Variants in ZDHHC13 observed in about 807,000 individuals in gnomAD.
ZDHHC13 encodes zDHHC palmitoyltransferase 13, also known as palmitoyltransferase ZDHHC13.
Under a neutral mutation model 86.0 loss-of-function variants are expected in ZDHHC13, and 85 were observed. The ratio of observed to expected loss-of-function variants is 0.99; its 90% CI spans 0.83 to 1.18. The LOEUF is 1.18. Among genes scored for constraint, ZDHHC13 ranks in the 50% most tolerant of loss-of-function variants. ZDHHC13 has a pLI of 0.00. For missense variants in ZDHHC13, 711 were observed against 730.2 expected (o/e 0.97, Z 0.30); for synonymous variants, 263 against 246.4 (o/e 1.07, Z -0.63).
intron 8 of ZDHHC13, among the ~76,000 whole-genome samples, chr11:19,154,383 A>G (rs535624652): frequency 1.3e-5 from 2 of 152,306 alleles, no homozygotes; most frequent in Admixed American, 1.3e-4. Context: ...TTTACATTAA[A>G]AAAAATCTAA....
chr11:19,166,369 A>C lies in ZDHHC13; in HGVS notation c.1458A>C (p.Ile486=). 1 of 1,612,068 alleles carries C rather than the reference A, an allele frequency of 6.2e-7. No individual in the cohort carries two copies. The highest frequency in any genetic ancestry group is 1.1e-5 in the South Asian group (1 of 90,788). The change falls in exon 14 of 17, where the codon ATA becomes ATC. Residue 486 remains isoleucine, a synonymous_variant. Transcript: ENST00000446113. The part of the protein sequence containing the change: ...FFLSMVCGWI[I]YGSFIYLSSH... ...TTTCCATGGTATGTGGCTGGATTAT[A>C]TATGGATCTTTCATCTGTAAGTGTA...
At chr11:19,127,051 G>A (rs1013841220) in intron 1 of ZDHHC13, among the ~76,000 whole-genome samples, 2 of 152,142 alleles carry the variant, frequency 1.3e-5, no homozygotes, top group Non-Finnish European at 2.9e-5. Context: ...TTTCCACAAT[G>A]AACTAATTTT....
At chr11:19,131,888 C>G (rs1180830503) in intron 1 of ZDHHC13, among the ~76,000 whole-genome samples, 2 of 152,336 alleles carry the variant, frequency 1.3e-5, no homozygotes, top group South Asian at 4.1e-4. Context: ...CCTGCCTCGG[C>G]CTCCCAAAGT....
chr11:19,173,348 G>A (rs1468861844), intron 16 of ZDHHC13, among the ~76,000 whole-genome samples: 1 of 152,126 alleles, frequency 6.6e-6, no homozygotes, highest in Non-Finnish European at 1.5e-5. Flanking sequence ...TATAAAACAC[G>A]TTTTCAGTTG....
At chr11:19,162,698 C>T (rs1309222145) in intron 10 of ZDHHC13, among the ~76,000 whole-genome samples, 6 of 151,928 alleles carry the variant, frequency 3.9e-5, no homozygotes, top group Admixed American at 3.3e-4. Context: ...AAATAGGAGC[C>T]GAAAATTCAG....
chr11:19,158,960 AC>A lies in ZDHHC13; in HGVS notation c.1030del (p.Val345TyrfsTer9). On this transcript the variant is annotated frameshift_variant, in exon 10 of 17. Transcript: ENST00000446113. LOFTEE classifies it high-confidence loss of function. Reference sequence around the variant, plus strand: ...TTTAGGTTCTTGGTTGGGTATAAGAACCTTGTATACTTACCAACAGCCTTTC... The same window carrying A: ...TTTAGGTTCTTGGTTGGGTATAAGAACTTGTATACTTACCAACAGCCTTTC... ...LFPRFLVGYK[N>X]LVYLPTAFLL... The A allele has an allele frequency of 6.5e-7, 1 of 1,543,646 alleles. No individual in the cohort carries two copies. Among genetic ancestry groups the A allele is most frequent in the South Asian group, 1.2e-5 (1 of 82,180 alleles).
intron 2 of ZDHHC13, among the ~76,000 whole-genome samples, chr11:19,145,194 A>G (rs1396050266): frequency 6.6e-6 from 1 of 152,108 alleles, no homozygotes; most frequent in African/African-American, 2.4e-5. Context: ...TTCTCTATGA[A>G]ATACCTCTTT....
At chr11:19,133,918 T>TTTATATATATATATATATATATAA (rs2133378216) in intron 1 of ZDHHC13, among the ~76,000 whole-genome samples, 1 of 54,104 alleles carries the variant, frequency 1.8e-5, no homozygotes, top group African/African-American at 5.7e-5. Flanking sequence ...ACGAAAGAAG[T>TTTATATATATATATATATATATAA]CCATATATAT....
chr11:19,125,437 C>G (rs529313260), intron 1 of ZDHHC13, among the ~76,000 whole-genome samples: 2 of 152,206 alleles, frequency 1.3e-5, no homozygotes, highest in Admixed American at 6.5e-5. Flanking sequence ...TGCCCCTATA[C>G]ATCTATTAGA....
At chr11:19,127,745 A>G (rs1443857531) in intron 1 of ZDHHC13, among the ~76,000 whole-genome samples, 1 of 152,212 alleles carries the variant, frequency 6.6e-6, no homozygotes, top group African/African-American at 2.4e-5. Context: ...GCTTTGTTGA[A>G]GATCTGATAG....
intron 5 of ZDHHC13, 143 bp from the exon 6 acceptor site, chr11:19,150,584 C>T (rs935981616): frequency 6.2e-6 from 4 of 649,078 alleles, no homozygotes; most frequent in African/African-American, 3.6e-5. Flanking sequence ...GTGAGCAAAA[C>T]ATTCTTTTTA....
chr11:19,126,320 C>A (rs1391199098), intron 1 of ZDHHC13, among the ~76,000 whole-genome samples: 5 of 146,710 alleles, frequency 3.4e-5, no homozygotes, highest in Non-Finnish European at 6.0e-5. Flanking sequence ...TTGTTCCCTT[C>A]TTCTTTTTTT....
chr11:19,164,991 T>C, intron 12 of ZDHHC13, 61 bp from the exon 13 acceptor site: 1 of 1,473,264 alleles, frequency 6.8e-7, no homozygotes, highest in Non-Finnish European at 9.4e-7. Context: ...ATTTTGCTTG[T>C]GATTTGTTAC....
chr11:19,164,923 G>A, intron 12 of ZDHHC13, 129 bp from the exon 13 acceptor site: 3 of 693,486 alleles, frequency 4.3e-6, no homozygotes, highest in Non-Finnish European at 7.6e-6. Context: ...CACAGCCTCT[G>A]TGTGAATTGA....
intron 16 of ZDHHC13, 119 bp from the exon 17 acceptor site, chr11:19,175,703 A>G: frequency 8.5e-7 from 1 of 1,173,146 alleles, no homozygotes. Context: ...TACCCCATCT[A>G]CCCCTGGATT....
Position 19,143,101 on chromosome 11 carries a change from T to G in ZDHHC13, c.151T>G (p.Cys51Gly), listed in dbSNP as rs1430892711. 16 of 1,612,832 alleles carry G rather than the reference T, an allele frequency of 9.9e-6. No homozygotes were observed. Among genetic ancestry groups the G allele is most frequent in the Non-Finnish European group, 1.4e-5 (16 of 1,179,240 alleles). Residue 51 changes from cysteine to glycine, a missense_variant, in exon 2 of 17, where the codon TGT (cysteine) becomes GGT (glycine). Transcript: ENST00000446113. ...ALPLIEDSSN[C>G]DIVKATQYGI... is the part of the protein sequence containing the mutation. ...TCCTCTTATAGAGGACTCTAGTAAC[T>G]GTGACATTGTCAAAGCTACTCAGTA...
intron 11 of ZDHHC13, among the ~76,000 whole-genome samples, 196 bp from the exon 12 acceptor site, chr11:19,164,105 A>G (rs1310955492): frequency 6.6e-6 from 1 of 152,160 alleles, no homozygotes; most frequent in Non-Finnish European, 1.5e-5. Context: ...ATGCATCCTA[A>G]TTTATTAGCT....
chr11:19,124,159 A>G (rs191416068), intron 1 of ZDHHC13, among the ~76,000 whole-genome samples: 6 of 152,246 alleles, frequency 3.9e-5, no homozygotes, highest in Non-Finnish European at 5.9e-5. Flanking sequence ...ATCTATATAC[A>G]ATGGAACAAT....
chr11:19,123,482 A>G (rs981781594), intron 1 of ZDHHC13, among the ~76,000 whole-genome samples: 2 of 151,704 alleles, frequency 1.3e-5, no homozygotes, highest in African/African-American at 2.4e-5. Context: ...AGACCTATCT[A>G]CAGAAGAATA....
Sources: allele counts gnomAD v4.1 joint callset (sites outside exome capture counted in the v4.1 genomes callset), GRCh38; gene constraint gnomAD v4.1.1; transcripts MANE v1.5; gene names NCBI Gene and HGNC (gene_info 2026-07-23, HGNC 2026-07-21).